APBB2: variants seen among roughly 807,000 people sequenced by gnomAD.
The protein encoded by APBB2 is Fe65-like 1.
In APBB2, 38 loss-of-function variants were observed where a neutral mutation model predicts 82.5. The observed-to-expected ratio is 0.46, with a 90% CI of 0.36 to 0.60. The LOEUF (loss-of-function observed/expected upper bound fraction) is 0.60. Among genes scored for constraint, APBB2 ranks in the 20% least tolerant of loss-of-function variants. The probability of loss-of-function intolerance (pLI) is 0.00; values close to 1 mark genes in which losing one functional copy is unlikely to be tolerated. For synonymous variants in APBB2, 341 were observed against 368.2 expected (o/e 0.93, Z 0.85); for missense variants, 772 against 972.3 (o/e 0.79, Z 2.74).
At chr4:41,182,751 A>T (rs546436508) in intron 1 of APBB2, among the ~76,000 whole-genome samples, 1 of 152,194 alleles carries the variant, frequency 6.6e-6, no homozygotes. Context: ...AGGCAGCAGG[A>T]AGGAGAAGTG....
intron 12 of APBB2, among the ~76,000 whole-genome samples, chr4:40,888,111 G>T (rs776762463): frequency 2.0e-5 from 3 of 152,204 alleles, no homozygotes; most frequent in Non-Finnish European, 2.9e-5. Flanking sequence ...ATCTGCTAGC[G>T]TGTGTTTAAA....
At chr4:41,170,171 G>A (rs979211237) in intron 1 of APBB2, among the ~76,000 whole-genome samples, 3 of 152,128 alleles carry the variant, frequency 2.0e-5, no homozygotes, top group African/African-American at 7.2e-5. Context: ...GAAGTCCAGG[G>A]ACATTTTCCC....
intron 6 of APBB2, among the ~76,000 whole-genome samples, chr4:41,011,385 T>C (rs770659599): frequency 1.3e-5 from 2 of 151,788 alleles, no homozygotes; most frequent in Non-Finnish European, 2.9e-5. Flanking sequence ...TTCACGATAT[T>C]GGTCAGGCTG....
Position 40,852,177 on chromosome 4 carries a change from CCGTCTCTA to C in APBB2, c.1530-21608_1530-21601del, listed in dbSNP as rs200470590. 5.9e-3 allele frequency among the ~76,000 whole-genome samples: 902 copies of C among 151,808 alleles called. 10 individuals are homozygous for C. Among genetic ancestry groups the C allele is most frequent in the African/African-American group, 0.021 (857 of 41,360 alleles). On this transcript the variant is annotated intron_variant, in intron 12 of 17. Coordinates refer to ENST00000508593, the MANE Select transcript of APBB2 (RefSeq NM_004307.2). Reference sequence around the variant, plus strand: ...CCAGCCTGGCGAACATAGTGAAACCCCGTCTCTACTAAAAATACAAAAAATTAGTGGGG... The same window carrying C: ...CCAGCCTGGCGAACATAGTGAAACCCCTAAAAATACAAAAAATTAGTGGGG...
intron 3 of APBB2, among the ~76,000 whole-genome samples, chr4:41,074,361 T>A (rs1734877816): frequency 6.6e-6 from 1 of 152,148 alleles, no homozygotes; most frequent in Non-Finnish European, 1.5e-5. Flanking sequence ...GAGCATCTAT[T>A]TTTGGTTTTA....
chr4:40,916,518 G>T (rs767213896), intron 10 of APBB2, among the ~76,000 whole-genome samples: 6 of 152,224 alleles, frequency 3.9e-5, no homozygotes, highest in Non-Finnish European at 7.3e-5. Context: ...CAAAATGCAA[G>T]AAGATATGTT....
At chr4:40,911,005 A>G (rs148377540) in intron 10 of APBB2, among the ~76,000 whole-genome samples, 4 of 152,366 alleles carry the variant, frequency 2.6e-5, no homozygotes, top group Non-Finnish European at 5.9e-5. Flanking sequence ...TGCAGTTTGA[A>G]TCTCAGCTCC....
chr4:41,066,461 G>C (rs771714248), intron 3 of APBB2, among the ~76,000 whole-genome samples: 1 of 152,170 alleles, frequency 6.6e-6, no homozygotes, highest in African/African-American at 2.4e-5. Flanking sequence ...TATCTCTAAG[G>C]AAAGTGAAGT....
intron 2 of APBB2, among the ~76,000 whole-genome samples, chr4:41,133,062 T>A (rs998397767): frequency 6.6e-6 from 1 of 152,178 alleles, no homozygotes; most frequent in Non-Finnish European, 1.5e-5. Context: ...CATATATACC[T>A]TTTTTAAAAA....
intron 6 of APBB2, among the ~76,000 whole-genome samples, chr4:40,967,495 C>T (rs1454445189): frequency 1.3e-5 from 2 of 152,134 alleles, no homozygotes; most frequent in African/African-American, 2.4e-5. Context: ...GGCACCGATG[C>T]GTTTACTGGT....
At chr4:41,167,863 G>T (rs1234026472) in intron 1 of APBB2, among the ~76,000 whole-genome samples, 1 of 152,212 alleles carries the variant, frequency 6.6e-6, no homozygotes, top group African/African-American at 2.4e-5. Flanking sequence ...TTGCCACAAG[G>T]AGGAGAGCTG....
At chr4:41,046,062 C>A (rs1215447776) in intron 4 of APBB2, among the ~76,000 whole-genome samples, 1 of 151,864 alleles carries the variant, frequency 6.6e-6, no homozygotes, top group African/African-American at 2.4e-5. Context: ...TATATAGATA[C>A]CATATATCTT....
intron 5 of APBB2, among the ~76,000 whole-genome samples, chr4:41,032,846 G>A (rs1439513739): frequency 3.6e-4 from 48 of 132,676 alleles, no homozygotes; most frequent in African/African-American, 1.1e-3. Context: ...GTGCAGTGGC[G>A]CGATCTCGAC....
chr4:41,002,923 T>G (rs1805629190), intron 6 of APBB2, among the ~76,000 whole-genome samples: 1 of 151,974 alleles, frequency 6.6e-6, no homozygotes, highest in African/African-American at 2.4e-5. Context: ...CTATGTTTCC[T>G]AAGAAATAAA....
intron 5 of APBB2, among the ~76,000 whole-genome samples, chr4:41,018,157 T>A (rs4861077): frequency 0.033 from 5,056 of 152,194 alleles, 133 homozygotes; most frequent in Admixed American, 0.07. Context: ...TATCATAATC[T>A]TATAGCTCCC....
intron 10 of APBB2, among the ~76,000 whole-genome samples, chr4:40,925,869 C>T (rs1251275862): frequency 6.6e-6 from 1 of 152,182 alleles, no homozygotes; most frequent in Admixed American, 6.5e-5. Context: ...ATAAATAAAG[C>T]TCACAGATGA....
intron 11 of APBB2, among the ~76,000 whole-genome samples, chr4:40,891,866 T>C (rs958331021): frequency 6.6e-6 from 1 of 151,884 alleles, no homozygotes; most frequent in Non-Finnish European, 1.5e-5. Context: ...TTCTAAATCC[T>C]AGCCAAGAAA....
At chr4:41,041,835 G>C (rs1211696355) in intron 4 of APBB2, among the ~76,000 whole-genome samples, 1 of 151,810 alleles carries the variant, frequency 6.6e-6, no homozygotes, top group Non-Finnish European at 1.5e-5. Context: ...GTATCCCAGG[G>C]GAAAACACCA....
At chr4:40,898,776 G>A (rs1252602231) in intron 10 of APBB2, among the ~76,000 whole-genome samples, 3 of 151,500 alleles carry the variant, frequency 2.0e-5, no homozygotes, top group Non-Finnish European at 4.4e-5. Context: ...GGGAGGCCAA[G>A]GTGGGCGGAC....
Sources: allele counts gnomAD v4.1 joint callset (sites outside exome capture counted in the v4.1 genomes callset), GRCh38; gene constraint gnomAD v4.1.1; transcripts MANE v1.5; gene names NCBI Gene and HGNC (gene_info 2026-07-23, HGNC 2026-07-21).